Variants in CCDC106 observed in about 807,000 individuals in gnomAD.
CCDC106 encodes coiled-coil domain-containing protein 106.
Under a neutral mutation model 24.7 loss-of-function variants are expected in CCDC106, and 17 were observed. That is an observed-to-expected ratio of 0.69 (90% CI 0.47 to 1.03). The LOEUF (loss-of-function observed/expected upper bound fraction) is 1.03, where lower values mean the gene tolerates loss of function less well. Ranked by LOEUF, CCDC106 falls within the 50% of genes least tolerant of loss-of-function variation. The pLI, the probability that CCDC106 is intolerant of heterozygous loss-of-function variation, is 0.00. For synonymous variants in CCDC106, 211 were observed against 161.3 expected (o/e 1.31, Z -2.34); for missense variants, 337 against 388.9 (o/e 0.87, Z 1.12).
rs1983038063 is a variant in CCDC106, at chr19:55,648,814, C to T, written c.-233C>T. On this transcript the variant is annotated 5_prime_UTR_variant, in exon 1 of 5. Transcript: ENST00000586790. ...GGACCTAGGCGGCTGGGCCCCCTGC[C>T]CCTGACTCCAGGAGCCCAGGAGTTT... 1 of 593,234 alleles carries T rather than the reference C, an allele frequency of 1.7e-6. No individual in the cohort carries two copies. Among genetic ancestry groups the T allele is most frequent in the Non-Finnish European group, 3.0e-6 (1 of 332,840 alleles). 36.7% of individuals were successfully genotyped at this position (593,234 alleles called of 1,614,324 possible). A position where few individuals can be genotyped will look rare whatever the true frequency, so the allele number is the denominator to read the frequency against.
In CCDC106 at chr19:55,651,315, C is replaced by A. The variant is rs371292659; in HGVS notation, c.346C>A (p.Arg116=). Residue 116 remains arginine (R), a synonymous_variant, in exon 4 of 5, where the codon CGG becomes AGG. Transcript: ENST00000586790. The stretch of plus-strand genomic sequence containing the variant: ...CTGCCGGATGAAGCCTGGGCCCAGG[C>A]GGATGGAGGGGGACAGCCGTGGTGG... ...DHCRMKPGPR[R]MEGDSRGGAG... 1 of 1,613,264 alleles carries A rather than the reference C, an allele frequency of 6.2e-7. No homozygotes were observed. Among genetic ancestry groups the A allele is most frequent in the East Asian group, 2.2e-5 (1 of 44,880 alleles).
At chr19:55,651,534 G>A (rs1359388399) in intron 4 of CCDC106, 39 bp downstream of exon 4, 1 of 1,363,946 alleles carries the variant, frequency 7.3e-7, no homozygotes, top group Admixed American at 2.4e-5. Flanking sequence ...AGGGGCCCGG[G>A]CTGCTGAATT....
Position 55,648,798 on chromosome 19 carries a change from C to A in CCDC106, c.-249C>A. 1.7e-6 allele frequency: 1 copy of A among 580,482 alleles called. No individual in the cohort carries two copies. The highest frequency in any genetic ancestry group is 3.1e-6 in the Non-Finnish European group (1 of 325,450). 36.0% of individuals were successfully genotyped at this position (580,482 alleles called of 1,614,324 possible). A position where few individuals can be genotyped will look rare whatever the true frequency, so the allele number is the denominator to read the frequency against. On this transcript the variant is annotated 5_prime_UTR_variant, in exon 1 of 5. Transcript: ENST00000586790. ...GCTCACTTCTCCCCCAGGACCTAGGCGGCTGGGCCCCCTGCCCCTGACTCC... is the reference window on the plus strand; with the variant it reads ...GCTCACTTCTCCCCCAGGACCTAGGAGGCTGGGCCCCCTGCCCCTGACTCC...
rs749718891 is a variant in CCDC106, at chr19:55,649,483, G to A, written c.212G>A (p.Arg71Lys). The change falls in exon 3 of 5, where the codon AGG becomes AAG. Residue 71 changes from arginine to lysine, a missense_variant. Coordinates refer to ENST00000586790, the MANE Select transcript of CCDC106 (RefSeq NM_001370470.1). The stretch of plus-strand genomic sequence containing the variant: ...ACCCAGCTGCACATGGCTCTGGAGA[G>A]GAACTCCTGGCTGCAGAAGCGCATC... The part of the protein sequence containing the change: ...VKTQLHMALE[R>K]NSWLQKRIED... The A allele has an allele frequency of 3.7e-6, 6 of 1,614,136 alleles. No homozygotes were observed. In the Admixed American group the frequency reaches 5.0e-5, roughly 13 times the overall value.
chr19:55,650,998 C>T (rs1032429352), intron 3 of CCDC106, among the ~76,000 whole-genome samples: 7 of 152,160 alleles, frequency 4.6e-5, no homozygotes, highest in Non-Finnish European at 8.8e-5. Context: ...CTATGGGAAC[C>T]GCGCATAGTC....
rs772213366 is a variant in CCDC106 at position 55,649,305 on chromosome 19, C to T, written c.132C>T (p.Phe44=). The T allele has an allele frequency of 3.7e-6, 6 of 1,613,788 alleles. No individual in the cohort carries two copies. Among genetic ancestry groups the T allele is most frequent in the Non-Finnish European group, 5.1e-6 (6 of 1,179,782 alleles). The change falls in exon 2 of 5, where the codon TTC becomes TTT. Residue 44 remains phenylalanine (F), a synonymous_variant. Coordinates refer to ENST00000586790, the MANE Select transcript of CCDC106 (RefSeq NM_001370470.1). ...FYSLSPSRRN[F]EEPPEAASSA... ...GTCTGAGCCCCTCTCGGAGAAACTT[C>T]GAGGGTGAGCTGAGGGGGTGTGGAG... is the stretch of plus-strand genomic sequence containing the variant.
chr19:55,651,761 A>C (rs1287895627), intron 4 of CCDC106, among the ~76,000 whole-genome samples: 1 of 151,358 alleles, frequency 6.6e-6, no homozygotes, highest in East Asian at 1.9e-4. Context: ...TCCCGGGTCC[A>C]CGCCATTCTC....
chr19:55,649,358 C>T (rs755654171), intron 2 of CCDC106, 49 bp downstream of exon 2: 5 of 1,613,144 alleles, frequency 3.1e-6, no homozygotes, highest in Non-Finnish European at 4.2e-6. Context: ...GAAGCCAAGC[C>T]CTGAGTCCCA....
chr19:55,651,791 A>G (rs1983303520), intron 4 of CCDC106, among the ~76,000 whole-genome samples: 1 of 151,864 alleles, frequency 6.6e-6, no homozygotes, highest in Admixed American at 6.6e-5. Flanking sequence ...CCTCCCGAGT[A>G]GCTGGGACTA....
In CCDC106 at chr19:55,652,617, C is replaced by G. The variant is rs1983395850; in HGVS notation, c.714C>G (p.Pro238=). The part of the protein sequence containing the change: ...EKLAEVGEFD[P]SKERLLEYSR... Reference sequence around the variant, plus strand: ...TGGCCGAGGTGGGCGAGTTCGACCCCTCCAAGGAGCGCCTGCTCGAGTACT... The same window carrying G: ...TGGCCGAGGTGGGCGAGTTCGACCCGTCCAAGGAGCGCCTGCTCGAGTACT... Residue 238 remains proline, a synonymous_variant, in exon 5 of 5, where the codon CCC becomes CCG. Coordinates refer to ENST00000586790, the MANE Select transcript of CCDC106 (RefSeq NM_001370470.1). The surrounding 1 kb of genome is among the most constrained non-coding windows in gnomAD (Gnocchi z 5.9). 1 of 1,613,184 alleles carries G rather than the reference C, an allele frequency of 6.2e-7. No individual in the cohort carries two copies. Among genetic ancestry groups the G allele is most frequent in the Middle Eastern group, 1.7e-4 (1 of 6,060 alleles).
intron 3 of CCDC106, among the ~76,000 whole-genome samples, chr19:55,650,607 G>A (rs1983183466): frequency 6.6e-6 from 1 of 152,208 alleles, no homozygotes; most frequent in Non-Finnish European, 1.5e-5. Context: ...AGCATCTGGG[G>A]ATCTGGCTTT....
At chr19:55,649,887 C>G (rs183161144) in intron 3 of CCDC106, among the ~76,000 whole-genome samples, 1 of 152,118 alleles carries the variant, frequency 6.6e-6, no homozygotes, top group Non-Finnish European at 1.5e-5. Context: ...TTCAGGGACC[C>G]TGGCACCTGA....
intron 1 of CCDC106, 59 bp from the exon 2 acceptor site, chr19:55,649,146 G>C: frequency 5.6e-6 from 9 of 1,610,794 alleles, no homozygotes; most frequent in South Asian, 1.1e-5. Context: ...CCGTGGTTGG[G>C]GGGTGGCCTG....
In CCDC106 at chr19:55,651,660, CT is replaced by C. The variant is rs575404924; in HGVS notation, c.526+177del. 6.6e-3 allele frequency among the ~76,000 whole-genome samples: 937 copies of C among 140,954 alleles called. 3 individuals carry two copies. The highest frequency in any genetic ancestry group is 9.0e-3 in the Non-Finnish European group (567 of 63,254). The allele number at this position is 140,954 out of a possible 152,430, so 92.5% of individuals were successfully genotyped here. ...CCACGTGTGGTCCTGGGTTTACTTT[CT>C]TTTTTTTTTTTGGCGGGGGGGACGT... On this transcript the variant is annotated intron_variant, in intron 4 of 4. Coordinates refer to ENST00000586790, the MANE Select transcript of CCDC106 (RefSeq NM_001370470.1).
chr19:55,649,136 C>G (rs1983063533), intron 1 of CCDC106, 59 bp downstream of exon 1: 12 of 1,611,150 alleles, frequency 7.4e-6, no homozygotes, highest in Non-Finnish European at 1.0e-5. Flanking sequence ...CTCCAGGCTG[C>G]CGTGGTTGGG....
In CCDC106 at chr19:55,648,655, TGA is replaced by T. The variant is rs1983025510; in HGVS notation, c.-386_-385del. On this transcript the variant is annotated 5_prime_UTR_variant, in exon 1 of 5. It introduces an in-frame stop codon into an upstream open reading frame of the 5' UTR. Coordinates refer to ENST00000586790, the MANE Select transcript of CCDC106 (RefSeq NM_001370470.1). ...CCTTAGGCCTGGCAGTGGCCCGCGATGAGAGAGGGTCCTTCCCCTTCAGGCTA... is the reference window on the plus strand; with the variant it reads ...CCTTAGGCCTGGCAGTGGCCCGCGATGAGAGGGTCCTTCCCCTTCAGGCTA... The T allele has an allele frequency of 3.7e-6, 1 of 272,052 alleles. No homozygotes were observed. Among genetic ancestry groups the T allele is most frequent in the East Asian group, 8.0e-5 (1 of 12,560 alleles). 16.9% of individuals were successfully genotyped at this position (272,052 alleles called of 1,614,324 possible).
At position 55,649,633 on chromosome 19, in the gene CCDC106, G is replaced by GAC. The variant is rs775803794; in HGVS notation, c.313+49_313+50insAC. 1.9e-5 allele frequency: 29 copies of GAC among 1,553,060 alleles called. 1 individual carries two copies. The South Asian group carries it at 3.4e-4, about 18-fold the overall frequency. On this transcript the variant is annotated intron_variant, in intron 3 of 4. Coordinates refer to ENST00000586790, the MANE Select transcript of CCDC106 (RefSeq NM_001370470.1). ...ACATGCCTCCCTGTCCCGCTACTGG[G>GAC]TACCCGCTCACCCAGACTCAAGGCT... is the stretch of plus-strand genomic sequence containing the variant.
rs1983385171 is a variant in CCDC106, at chr19:55,652,523, G to A, written c.620G>A (p.Arg207His). 1.9e-6 allele frequency: 3 copies of A among 1,613,582 alleles called. No homozygotes were observed. The highest frequency in any genetic ancestry group is 2.5e-6 in the Non-Finnish European group (3 of 1,179,936). Reference protein sequence around the residue: ...KSMSRAFEHHRVDRNTVALTT... With the variant: ...KSMSRAFEHHHVDRNTVALTT... Reference sequence around the variant, plus strand: ...ATGTCGCGGGCCTTCGAGCACCACCGCGTGGACAGGAACACCGTGGCGCTG... The same window carrying A: ...ATGTCGCGGGCCTTCGAGCACCACCACGTGGACAGGAACACCGTGGCGCTG... Residue 207 changes from arginine (R) to histidine (H), a missense_variant, in exon 5 of 5, where the codon CGC becomes CAC. Physicochemically the swap from Arg to His is conservative, Grantham distance 29. Coordinates refer to ENST00000586790, the MANE Select transcript of CCDC106 (RefSeq NM_001370470.1). The surrounding 1 kb of genome is among the most constrained non-coding windows in gnomAD (Gnocchi z 5.9).
At chr19:55,649,104 C>T in intron 1 of CCDC106, 27 bp downstream of exon 1, 1 of 1,613,818 alleles carries the variant, frequency 6.2e-7, no homozygotes. Flanking sequence ...CCCTTCCCTA[C>T]CCTGGGTCCC....
Sources: allele counts gnomAD v4.1 joint callset (sites outside exome capture counted in the v4.1 genomes callset), GRCh38; gene constraint gnomAD v4.1.1; non-coding constraint Gnocchi (gnomAD v3.1); transcripts MANE v1.5; gene names NCBI Gene and HGNC (gene_info 2026-07-23, HGNC 2026-07-21).